Variants in GIGYF2 observed in about 807,000 individuals in gnomAD.
GIGYF2 encodes the protein GRB10 interacting GYF protein 2.
Under a neutral mutation model 208.1 loss-of-function variants are expected in GIGYF2, and 25 were observed. The observed-to-expected ratio is 0.12, with a 90% confidence interval of 0.09 to 0.17. GIGYF2 has a LOEUF of 0.17. Among genes scored for constraint, GIGYF2 ranks in the 10% least tolerant of loss-of-function variants. The probability of loss-of-function intolerance (pLI) is 1.00; values close to 1 mark genes in which losing one functional copy is unlikely to be tolerated. For synonymous variants in GIGYF2, 534 were observed against 543.8 expected, an observed-to-expected ratio of 0.98 and a Z score of 0.25; for missense variants, 1,302 against 1,579.4, an observed-to-expected ratio of 0.82 and a Z score of 2.98.
intron 2 of GIGYF2, among the ~76,000 whole-genome samples, chr2:232,727,955 T>C (rs951133389): frequency 6.6e-6 from 1 of 152,184 alleles, no homozygotes; most frequent in Non-Finnish European, 1.5e-5. Flanking sequence ...TAATACACAT[T>C]TGAAAAATAC....
intron 2 of GIGYF2, among the ~76,000 whole-genome samples, chr2:232,704,121 G>A (rs73003645): frequency 2.6e-5 from 4 of 152,230 alleles, no homozygotes; most frequent in Non-Finnish European, 5.9e-5. Flanking sequence ...TGGACATAGG[G>A]TTGGAGTCTA....
At chr2:232,711,702 G>GATGTGTGTATATATATATATATAT (rs1553604488) in intron 2 of GIGYF2, among the ~76,000 whole-genome samples, 8 of 50,498 alleles carry the variant, frequency 1.6e-4, no homozygotes, top group African/African-American at 6.1e-4. Flanking sequence ...TCCTCACAAT[G>GATGTGTGTATATATATATATATAT]ATGTATATAT....
chr2:232,837,620 A>G (rs1701680639), intron 22 of GIGYF2, among the ~76,000 whole-genome samples: 2 of 151,260 alleles, frequency 1.3e-5, no homozygotes, highest in Admixed American at 6.6e-5. Flanking sequence ...ACACCCAGCT[A>G]CTTTTTTTTT....
intron 7 of GIGYF2, among the ~76,000 whole-genome samples, 185 bp from the exon 8 acceptor site, chr2:232,761,211 A>T (rs1053240203): frequency 6.6e-6 from 1 of 152,150 alleles, no homozygotes; most frequent in Admixed American, 6.5e-5. Flanking sequence ...AGGTGAGGGG[A>T]TGGATATTTT....
chr2:232,742,827 G>C (rs1190468538), intron 3 of GIGYF2, among the ~76,000 whole-genome samples: 1 of 152,136 alleles, frequency 6.6e-6, no homozygotes, highest in Non-Finnish European at 1.5e-5. Flanking sequence ...CTATGTTTGA[G>C]AATATGGGCA....
chr2:232,796,183 A>G lies in GIGYF2; in HGVS notation c.1601A>G (p.Gln534Arg), dbSNP rs2106369375. 1 of 1,607,408 alleles carries G rather than the reference A, an allele frequency of 6.2e-7. No individual in the cohort carries two copies. Among genetic ancestry groups the G allele is most frequent in the East Asian group, 2.2e-5 (1 of 44,842 alleles). The change falls in exon 14 of 29, where the codon CAG (glutamine) becomes CGG (arginine). Residue 534 changes from glutamine to arginine, a missense_variant. Gln to Arg is a conservative substitution (Grantham distance 43). Coordinates refer to ENST00000373563, the MANE Select transcript of GIGYF2 (RefSeq NM_001103146.3). ...ATTCCATTGATGCATGAAGCAATGCAGAAGTGGTATTACAAAGATCCTCAG... is the reference window on the plus strand; with the variant it reads ...ATTCCATTGATGCATGAAGCAATGCGGAAGTGGTATTACAAAGATCCTCAG... ...VSIPLMHEAM[Q>R]KWYYKDPQGE...
intron 2 of GIGYF2, among the ~76,000 whole-genome samples, chr2:232,728,748 A>G (rs1371462242): frequency 6.6e-6 from 1 of 152,152 alleles, no homozygotes. Flanking sequence ...CCTCTTTGCC[A>G]TTCCGTAATT....
At chr2:232,762,222 ATG>A (rs1351776099) in intron 8 of GIGYF2, among the ~76,000 whole-genome samples, 1 of 146,382 alleles carries the variant, frequency 6.8e-6, no homozygotes, top group East Asian at 2.0e-4. Flanking sequence ...AGTGTTAATC[ATG>A]TCTTTTTTTT....
intron 5 of GIGYF2, among the ~76,000 whole-genome samples, chr2:232,750,673 A>C (rs930126113): frequency 2.0e-4 from 30 of 150,400 alleles, no homozygotes; most frequent in Non-Finnish European, 3.0e-5. Flanking sequence ...TGCCTTTGCC[A>C]ATTTTTCTTT....
chr2:232,823,018 C>A (rs1701140856), intron 21 of GIGYF2, among the ~76,000 whole-genome samples: 2 of 152,110 alleles, frequency 1.3e-5, no homozygotes, highest in Non-Finnish European at 2.9e-5. Context: ...GAAGAAGTTT[C>A]TTTCCAGTCC....
At chr2:232,817,564 A>G (rs1342823561) in intron 20 of GIGYF2, among the ~76,000 whole-genome samples, 5 of 152,218 alleles carry the variant, frequency 3.3e-5, no homozygotes, top group African/African-American at 1.2e-4. Flanking sequence ...CATAGCTCCT[A>G]GTAACCACCA....
At chr2:232,708,398 G>A (rs1696228311) in intron 2 of GIGYF2, among the ~76,000 whole-genome samples, 1 of 152,114 alleles carries the variant, frequency 6.6e-6, no homozygotes, top group Non-Finnish European at 1.5e-5. Flanking sequence ...ATGGGAGATT[G>A]AGAAAGGGAA....
rs1446168329 is a variant in GIGYF2 at position 232,844,428 on chromosome 2, T to G, written c.3159T>G (p.Pro1053=). 6.2e-7 allele frequency: 1 copy of G among 1,611,688 alleles called. No individual in the cohort carries two copies. Among genetic ancestry groups the G allele is most frequent in the East Asian group, 2.2e-5 (1 of 44,872 alleles). The stretch of plus-strand genomic sequence containing the variant: ...TTTGGGGCTCTATAAATACTGGTCC[T>G]CCTAACCAGTGGGCATCTGACCTAG... ...NSVWGSINTG[P]PNQWASDLVS... Residue 1053 remains proline (P), a synonymous_variant, in exon 25 of 29, where the codon CCT becomes CCG. Coordinates refer to ENST00000373563, the MANE Select transcript of GIGYF2 (RefSeq NM_001103146.3).
Position 232,856,865 on chromosome 2 carries a change from C to G in GIGYF2, c.*5C>G. The G allele has an allele frequency of 6.3e-7, 1 of 1,595,130 alleles. No homozygotes were observed. On this transcript the variant is annotated 3_prime_UTR_variant, in exon 29 of 29. Coordinates refer to ENST00000373563, the MANE Select transcript of GIGYF2 (RefSeq NM_001103146.3). ...GAGACGTTGGATGACTACTGAGCAC[C>G]TGCCAGTGGACTGGCCATCCCTCTC... is the stretch of plus-strand genomic sequence containing the variant.
intron 2 of GIGYF2, among the ~76,000 whole-genome samples, chr2:232,709,456 T>A (rs1696280268): frequency 6.6e-6 from 1 of 152,174 alleles, no homozygotes. Flanking sequence ...CCTAAGTAAC[T>A]GGGGCTATAC....
At chr2:232,778,184 A>G (rs138526783) in intron 8 of GIGYF2, among the ~76,000 whole-genome samples, 5 of 152,110 alleles carry the variant, frequency 3.3e-5, no homozygotes, top group East Asian at 3.9e-4. Flanking sequence ...TGTCCTCTCA[A>G]TTCAGCCTCC....
intron 3 of GIGYF2, among the ~76,000 whole-genome samples, chr2:232,737,045 AAGAC>A (rs1013463151): frequency 5.9e-5 from 9 of 152,252 alleles, no homozygotes; most frequent in Non-Finnish European, 1.0e-4. Flanking sequence ...GTTTCATTGA[AAGAC>A]AGAGACGTCC....
rs898984356 is a variant in GIGYF2, at chr2:232,722,494, A to C, written c.-43-12661A>C. ...TTTACAGGGATTACAATTCAAGATG[A>C]GATTTGAGTGGGGACACAAACCCTA... On this transcript the variant is annotated intron_variant, in intron 2 of 28. Coordinates refer to ENST00000373563, the MANE Select transcript of GIGYF2 (RefSeq NM_001103146.3). 3 of 152,292 alleles carry C rather than the reference A, an allele frequency of 2.0e-5. No individual in the cohort carries two copies. In the East Asian group the frequency reaches 5.8e-4, roughly 29 times the overall value. 9.4% of individuals were successfully genotyped at this position (152,292 alleles called of 1,614,324 possible).
chr2:232,747,881 T>C, intron 4 of GIGYF2, 137 bp downstream of exon 4: 1 of 805,592 alleles, frequency 1.2e-6, no homozygotes, highest in South Asian at 1.5e-5. Flanking sequence ...TTCCCTGCTT[T>C]GAAGCCTGCA....
Sources: gnomAD v4.1 joint callset for allele counts (sites outside exome capture counted in the v4.1 genomes callset) on GRCh38, gnomAD v4.1.1 for gene constraint, MANE v1.5 for transcripts, NCBI Gene and HGNC (gene_info 2026-07-23, HGNC 2026-07-21) for gene names.